The following LYN variants were observed in gnomAD, a reference collection of about 807,000 sequenced individuals.
LYN encodes LYN proto-oncogene, Src family tyrosine kinase.
LYN carries 12 observed loss-of-function variants against 65.0 expected under a neutral mutation model. The ratio of observed to expected loss-of-function variants is 0.18; its 90% CI spans 0.12 to 0.30. LYN has a LOEUF of 0.30. Among genes scored for constraint, LYN ranks in the 10% least tolerant of loss-of-function variants. The pLI is 1.00. For missense variants in LYN, 380 were observed against 623.2 expected, an observed-to-expected ratio of 0.61 and a Z score of 4.16; for synonymous variants, 222 against 221.2, an observed-to-expected ratio of 1.00 and a Z score of -0.03.
chr8:55,938,892 G>A (rs368817685), intron 1 of LYN, among the ~76,000 whole-genome samples: 1 of 152,264 alleles, frequency 6.6e-6, no homozygotes, highest in African/African-American at 2.4e-5. Flanking sequence ...TGCTGTGCGC[G>A]AGTCTTTTAA....
At chr8:55,894,691 C>G (rs1225414257) in intron 1 of LYN, among the ~76,000 whole-genome samples, 1 of 152,066 alleles carries the variant, frequency 6.6e-6, no homozygotes, top group Non-Finnish European at 1.5e-5. Context: ...TGCCACCATA[C>G]CCAGCTAATT....
chr8:55,997,498 TG>T (rs1437815067), intron 10 of LYN, among the ~76,000 whole-genome samples: 1 of 152,074 alleles, frequency 6.6e-6, no homozygotes, highest in East Asian at 1.9e-4. Flanking sequence ...TGTCCTCACG[TG>T]GTGGAAGGGG....
In LYN at chr8:55,950,760, A is replaced by G. The variant is rs1235714245; in HGVS notation, c.463A>G (p.Ile155Val). Residue 155 changes from isoleucine to valine, a missense_variant, in exon 6 of 13, where the codon ATT (isoleucine) becomes GTT (valine). By Grantham distance (29) the Ile-to-Val change is conservative (BLOSUM62 3). Coordinates refer to ENST00000519728, the MANE Select transcript of LYN (RefSeq NM_002350.4). ...AGGAAATAGCGCTGGAGCTTTCCTT[A>G]TTAGAGAAAGTGAAACATTAAAAGG... ...APGNSAGAFL[I>V]RESETLKGSF... is the part of the protein sequence containing the mutation. 5 of 1,612,854 alleles carry G rather than the reference A, an allele frequency of 3.1e-6. No individual in the cohort carries two copies. Among genetic ancestry groups the G allele is most frequent in the South Asian group, 1.1e-5 (1 of 91,066 alleles).
Position 55,924,936 on chromosome 8 carries a change from G to A in LYN, c.-5-16919G>A, listed in dbSNP as rs184527127. ...GGCTCACTGCAGCCTCCGCCTCCCA[G>A]GTTCAAGCGATTTTCCTGCCTCAGC... On this transcript the variant is annotated intron_variant, in intron 1 of 12. Transcript: ENST00000519728. Among the ~76,000 whole-genome samples, 730 of 151,850 alleles carry A rather than the reference G, an allele frequency of 4.8e-3. 6 individuals carry two copies. Among genetic ancestry groups the A allele is most frequent in the African/African-American group, 0.016 (671 of 41,378 alleles).
At position 55,946,443 on chromosome 8, in the gene LYN, C is replaced by T. The variant is rs770738990; in HGVS notation, c.133-5C>T. On this transcript the variant is annotated splice_polypyrimidine_tract_variant and splice_region_variant and intron_variant, in intron 2 of 12. Transcript: ENST00000519728. ...TTTTTTTTTCTAACAAATATTCTCT[C>T]GTAGGTTCCAGAATCTCAGCTTTTA... 1.7e-5 allele frequency: 27 copies of T among 1,598,742 alleles called. No homozygotes were observed. The highest frequency in any genetic ancestry group is 6.6e-5 in the South Asian group (6 of 90,590).
chr8:56,010,574 A>T lies in LYN; in HGVS notation c.*464A>T. 4.7e-6 allele frequency: 1 copy of T among 213,222 alleles called. No individual in the cohort carries two copies. Among genetic ancestry groups the T allele is most frequent in the East Asian group, 7.0e-5 (1 of 14,354 alleles). 13.2% of individuals were successfully genotyped at this position (213,222 alleles called of 1,614,324 possible). A position where few individuals can be genotyped will look rare whatever the true frequency, so the allele number is the denominator to read the frequency against. On this transcript the variant is annotated 3_prime_UTR_variant, in exon 13 of 13. Coordinates refer to ENST00000519728, the MANE Select transcript of LYN (RefSeq NM_002350.4). ...CTTTGTGCTTTGGCTTACTTGTTTA[A>T]AAAAAAAAAAAAACTAATCCAACCT... is the stretch of plus-strand genomic sequence containing the variant.
chr8:55,956,925 C>T (rs1585637709), intron 8 of LYN, among the ~76,000 whole-genome samples: 2 of 152,182 alleles, frequency 1.3e-5, no homozygotes, highest in East Asian at 1.9e-4. Flanking sequence ...GCTCTACGGG[C>T]CCTGCTCTAA....
intron 12 of LYN, among the ~76,000 whole-genome samples, chr8:56,001,624 A>G (rs1443088410): frequency 6.6e-6 from 1 of 152,184 alleles, no homozygotes; most frequent in Non-Finnish European, 1.5e-5. Context: ...ATGAATTAAC[A>G]TTGCTGCAAA....
At chr8:55,962,248 C>T (rs1342929037) in intron 8 of LYN, among the ~76,000 whole-genome samples, 17 of 151,206 alleles carry the variant, frequency 1.1e-4, no homozygotes, top group African/African-American at 2.9e-4. Context: ...GGTGTGGCTA[C>T]GGTTCATTCA....
intron 12 of LYN, among the ~76,000 whole-genome samples, chr8:56,001,435 T>TCTA (rs1808508915): frequency 6.6e-6 from 1 of 152,106 alleles, no homozygotes; most frequent in East Asian, 1.9e-4. Flanking sequence ...AGCCACACAG[T>TCTA]CTGCGTGCTC....
At chr8:55,990,418 A>G (rs1808216145) in intron 10 of LYN, among the ~76,000 whole-genome samples, 2 of 152,134 alleles carry the variant, frequency 1.3e-5, no homozygotes, top group Admixed American at 6.6e-5. Flanking sequence ...ACAGATGTGA[A>G]TGTCTCTTAT....
In LYN at chr8:55,954,018, A is replaced by G. The variant is rs561826312; in HGVS notation, c.790+34A>G. 64 of 1,607,276 alleles carry G rather than the reference A, an allele frequency of 4.0e-5. 1 individual carries two copies. The East Asian group carries it at 5.8e-4, about 15-fold the overall frequency. On this transcript the variant is annotated intron_variant, in intron 8 of 12. Transcript: ENST00000519728. ...GCGGCTCGGGGATCTATGTCCTTCTAGAGATGGTGACAGGAGAAGTAAAGG... is the reference window on the plus strand; with the variant it reads ...GCGGCTCGGGGATCTATGTCCTTCTGGAGATGGTGACAGGAGAAGTAAAGG...
chr8:55,904,870 C>T (rs1257700217), intron 1 of LYN, among the ~76,000 whole-genome samples: 2 of 152,166 alleles, frequency 1.3e-5, no homozygotes, highest in East Asian at 3.8e-4. Flanking sequence ...TACCCTTTTT[C>T]AAAAGCAGGT....
intron 1 of LYN, among the ~76,000 whole-genome samples, chr8:55,918,457 C>T (rs931107801): frequency 6.6e-6 from 1 of 152,224 alleles, no homozygotes; most frequent in African/African-American, 2.4e-5. Flanking sequence ...CTCTAATGTG[C>T]AGCCAGGATT....
intron 12 of LYN, among the ~76,000 whole-genome samples, chr8:56,003,928 CTTTTTTTTTT>C (rs1213079280): frequency 9.6e-6 from 1 of 104,700 alleles, no homozygotes; most frequent in Non-Finnish European, 1.9e-5. Flanking sequence ...ATATTTTATT[CTTTTTTTTTT>C]TTTTTTTTTT....
Position 55,998,258 on chromosome 8 carries a change from G to T in LYN, c.1051-88G>T, listed in dbSNP as rs1808431111. 3.0e-6 allele frequency: 3 copies of T among 984,822 alleles called. No individual in the cohort carries two copies. The South Asian group carries it at 4.4e-5, about 14-fold the overall frequency. The allele number at this position is 984,822 out of a possible 1,614,324, so 61.0% of individuals were successfully genotyped here. On this transcript the variant is annotated intron_variant, in intron 10 of 12. Coordinates refer to ENST00000519728, the MANE Select transcript of LYN (RefSeq NM_002350.4). The stretch of plus-strand genomic sequence containing the variant: ...AAATAGTATACATGAAAAGATTTCA[G>T]GAATTCATAAGTTTTCCGGTTTTCC...
At chr8:55,884,414 T>C (rs1403670061) in intron 1 of LYN, among the ~76,000 whole-genome samples, 1 of 143,706 alleles carries the variant, frequency 7.0e-6, no homozygotes, top group Non-Finnish European at 1.5e-5. Context: ...CTTTCTGGGG[T>C]ATATTTGGCT....
chr8:55,990,441 G>A (rs902720632), intron 10 of LYN, among the ~76,000 whole-genome samples: 3 of 152,028 alleles, frequency 2.0e-5, no homozygotes, highest in Non-Finnish European at 4.4e-5. Context: ...GACCTTAAAA[G>A]GTGTCAGTTA....
chr8:55,887,575 T>TACACACACACACACACACCCACACAC (rs1804835500), intron 1 of LYN, among the ~76,000 whole-genome samples: 1 of 93,436 alleles, frequency 1.1e-5, no homozygotes, highest in Non-Finnish European at 2.1e-5. Flanking sequence ...TATATATATA[T>TACACACACACACACACACCCACACAC]ACACACACAC....
Sources: gnomAD v4.1 joint callset for allele counts (sites outside exome capture counted in the v4.1 genomes callset) on GRCh38, gnomAD v4.1.1 for gene constraint, MANE v1.5 for transcripts, NCBI Gene and HGNC (gene_info 2026-07-23, HGNC 2026-07-21) for gene names.